Variants in DLG2 observed in about 807,000 individuals in gnomAD.
DLG2 encodes discs large MAGUK scaffold protein 2.
In DLG2, 45 loss-of-function variants were observed where a neutral mutation model predicts 132.5. The ratio of observed to expected loss-of-function variants is 0.34; its 90% CI spans 0.27 to 0.44. The LOEUF is 0.44. Ranked by LOEUF, DLG2 falls within the 20% of genes least tolerant of loss-of-function variation. The pLI, the probability that DLG2 is intolerant of heterozygous loss-of-function variation, is 1.00. For synonymous variants in DLG2, 424 were observed against 419.6 expected (o/e 1.01, Z -0.13); for missense variants, 1,045 against 1,196.9 (o/e 0.87, Z 1.87).
intron 11 of DLG2, among the ~76,000 whole-genome samples, chr11:84,043,091 GC>G (rs1313145948): frequency 6.6e-6 from 1 of 150,714 alleles, no homozygotes; most frequent in African/African-American, 2.4e-5. Context: ...CTTATTTATT[GC>G]CTAAATAAAT....
chr11:85,351,438 C>G (rs546907151), intron 3 of DLG2, among the ~76,000 whole-genome samples: 2 of 152,258 alleles, frequency 1.3e-5, no homozygotes, highest in African/African-American at 4.8e-5. Context: ...CAAGAACTTC[C>G]AACACTATGT....
At chr11:83,577,183 C>T (rs986160690) in intron 19 of DLG2, among the ~76,000 whole-genome samples, 82 of 152,066 alleles carry the variant, frequency 5.4e-4, no homozygotes, top group African/African-American at 1.9e-3. Context: ...TTCCTGCCCT[C>T]GAACATCGGA....
At chr11:85,505,702 A>C (rs1254900534) in intron 3 of DLG2, among the ~76,000 whole-genome samples, 1 of 152,186 alleles carries the variant, frequency 6.6e-6, no homozygotes, top group Non-Finnish European at 1.5e-5. Flanking sequence ...TGTCTCTGCC[A>C]GGCTTTGGTA....
At chr11:85,069,564 A>G (rs1179023154) in intron 6 of DLG2, among the ~76,000 whole-genome samples, 1 of 152,188 alleles carries the variant, frequency 6.6e-6, no homozygotes, top group Non-Finnish European at 1.5e-5. Context: ...GCTCATCATC[A>G]CTGGCCATCA....
chr11:84,051,170 TTGG>T (rs1405827274), intron 11 of DLG2, among the ~76,000 whole-genome samples: 9 of 151,964 alleles, frequency 5.9e-5, no homozygotes, highest in Non-Finnish European at 1.3e-4. Context: ...TTTTACACTG[TTGG>T]TGGGAGTGTA....
Position 84,739,068 on chromosome 11 carries a change from T to A in DLG2, c.358-204337A>T, listed in dbSNP as rs561959302. ...CAGAGGGAAGGGATAAAAAGAGGCA[T>A]GAGGAATCTTGGGGTGATGGTAATT... is the stretch of plus-strand genomic sequence containing the variant. On this transcript the variant is annotated intron_variant, in intron 6 of 27. Transcript: ENST00000376104. Among the ~76,000 whole-genome samples, 18 of 152,280 alleles carry A rather than the reference T, an allele frequency of 1.2e-4. 1 individual carries two copies. In the South Asian group the frequency reaches 2.1e-3, roughly 18 times the overall value.
intron 6 of DLG2, among the ~76,000 whole-genome samples, chr11:85,078,995 C>T (rs1004202527): frequency 4.0e-5 from 6 of 148,692 alleles, no homozygotes; most frequent in African/African-American, 7.4e-5. Context: ...CAAGGTAGTA[C>T]AGCAAAAGCT....
chr11:84,316,210 T>C (rs535735922), intron 7 of DLG2, among the ~76,000 whole-genome samples: 3 of 152,316 alleles, frequency 2.0e-5, no homozygotes, highest in East Asian at 1.9e-4. Context: ...TATAAACTTA[T>C]TGCTTCTCCA....
At chr11:84,465,306 T>C (rs1286981124) in intron 7 of DLG2, among the ~76,000 whole-genome samples, 2 of 151,248 alleles carry the variant, frequency 1.3e-5, no homozygotes, top group Admixed American at 6.6e-5. Flanking sequence ...CAGGACCAGA[T>C]GGCTTCTGCC....
At chr11:84,541,107 G>C (rs572041490) in intron 6 of DLG2, among the ~76,000 whole-genome samples, 1 of 152,042 alleles carries the variant, frequency 6.6e-6, no homozygotes, top group South Asian at 2.1e-4. Context: ...GAGTTAATGG[G>C]TGTAGCACAC....
chr11:84,880,743 A>G (rs2087184323), intron 6 of DLG2, among the ~76,000 whole-genome samples: 1 of 152,126 alleles, frequency 6.6e-6, no homozygotes, highest in African/African-American at 2.4e-5. Context: ...ATAATAGTCA[A>G]CTGTGTTCAG....
In DLG2 at chr11:85,534,727, C is replaced by T. The variant is rs116721748; in HGVS notation, c.40+63930G>A. Reference sequence around the variant, plus strand: ...GTGTATATGTACCACATTTCCTTTACGTATTCCATCGTTGATGAGCATCTA... The same window carrying T: ...GTGTATATGTACCACATTTCCTTTATGTATTCCATCGTTGATGAGCATCTA... On this transcript the variant is annotated intron_variant, in intron 3 of 27. Coordinates refer to ENST00000376104, the MANE Select transcript of DLG2 (RefSeq NM_001142699.3). 8.1e-3 allele frequency among the ~76,000 whole-genome samples: 1,226 copies of T among 152,292 alleles called. 16 individuals carry two copies. Among genetic ancestry groups the T allele is most frequent in the African/African-American group, 0.029 (1,192 of 41,546 alleles).
At chr11:85,203,840 A>C (rs76964220) in intron 4 of DLG2, among the ~76,000 whole-genome samples, 3,556 of 152,172 alleles carry the variant, frequency 0.023, 65 homozygotes, top group Admixed American at 0.038. Flanking sequence ...ATTTACCATA[A>C]TCAAGTGGGA....
At chr11:83,770,131 T>C (rs2094325951) in intron 18 of DLG2, among the ~76,000 whole-genome samples, 2 of 152,148 alleles carry the variant, frequency 1.3e-5, no homozygotes, top group African/African-American at 4.8e-5. Context: ...TGCTTTTAAA[T>C]ACTCTCTCAT....
At chr11:85,447,714 A>C (rs1466413890) in intron 3 of DLG2, among the ~76,000 whole-genome samples, 1 of 152,188 alleles carries the variant, frequency 6.6e-6, no homozygotes, top group Non-Finnish European at 1.5e-5. Flanking sequence ...TCATTACCCT[A>C]AACATTAAAG....
At chr11:84,355,156 A>C (rs945273163) in intron 7 of DLG2, among the ~76,000 whole-genome samples, 11 of 152,102 alleles carry the variant, frequency 7.2e-5, no homozygotes, top group African/African-American at 2.7e-4. Context: ...GAACCTGTGA[A>C]TGCTTCTTAG....
chr11:85,521,862 A>G (rs1039218048), intron 3 of DLG2, among the ~76,000 whole-genome samples: 7 of 152,194 alleles, frequency 4.6e-5, no homozygotes, highest in Middle Eastern at 3.2e-3. Flanking sequence ...ATCTGGCAGA[A>G]CACATTTCTA....
intron 3 of DLG2, among the ~76,000 whole-genome samples, chr11:85,541,282 G>A (rs2075952283): frequency 6.6e-6 from 1 of 151,930 alleles, no homozygotes; most frequent in Non-Finnish European, 1.5e-5. Flanking sequence ...TGTATTTATA[G>A]TTTTAAATTA....
At chr11:85,596,597 G>A (rs2079787395) in intron 3 of DLG2, among the ~76,000 whole-genome samples, 2 of 152,026 alleles carry the variant, frequency 1.3e-5, no homozygotes, top group Admixed American at 1.3e-4. Context: ...CTATGTATTG[G>A]CCAGAATAAT....
Sources: gnomAD v4.1 joint callset for allele counts (sites outside exome capture counted in the v4.1 genomes callset) on GRCh38, gnomAD v4.1.1 for gene constraint, MANE v1.5 for transcripts, NCBI Gene and HGNC (gene_info 2026-07-23, HGNC 2026-07-21) for gene names.